The following APOBEC1 variants were observed in gnomAD, a reference collection of about 807,000 sequenced individuals.
APOBEC1 encodes apolipoprotein B mRNA editing enzyme catalytic subunit 1.
Under a neutral mutation model 26.3 loss-of-function variants are expected in APOBEC1, and 22 were observed. That is an observed-to-expected ratio of 0.84 (90% CI 0.60 to 1.19). The LOEUF (loss-of-function observed/expected upper bound fraction) is 1.19. Ranked by LOEUF, APOBEC1 falls within the 50% of genes most tolerant of loss-of-function variation. The pLI is 0.00. For missense variants in APOBEC1, 253 were observed against 289.0 expected, an observed-to-expected ratio of 0.88 and a Z score of 0.90; for synonymous variants, 77 against 95.3, an observed-to-expected ratio of 0.81 and a Z score of 1.12.
upstream of APOBEC1, among the ~76,000 whole-genome samples, chr12:7,666,760 T>G (rs1216345571): frequency 1.3e-5 from 2 of 152,182 alleles, no homozygotes; most frequent in Non-Finnish European, 2.9e-5. Context: ...TTTTGCTCTC[T>G]GTCCTACATC....
chr12:7,660,412 G>GAAAGAA (rs201225005), intron 1 of APOBEC1, among the ~76,000 whole-genome samples: 17 of 122,084 alleles, frequency 1.4e-4, no homozygotes, highest in South Asian at 3.1e-4. Context: ...AAGAAAGAAA[G>GAAAGAA]AGAGGGTATT....
intron 1 of APOBEC1, 77 bp downstream of exon 1, chr12:7,665,780 C>T (rs1565444068): frequency 3.3e-6 from 4 of 1,212,452 alleles, no homozygotes; most frequent in Non-Finnish European, 4.9e-6. Context: ...CACACACACA[C>T]ACACACACAC....
At position 7,652,925 on chromosome 12, in the gene APOBEC1, AT is replaced by A. The variant is rs1343433111; in HGVS notation, c.45-91del. On this transcript the variant is annotated intron_variant, in intron 2 of 4. Transcript: ENST00000229304. ...TGCTCCCCTCTTCTTTTTTTATTTT[AT>A]TTTATTTTATTTTATTTTTTTAAGA... 26 of 1,035,144 alleles carry A rather than the reference AT, an allele frequency of 2.5e-5. No homozygotes were observed. The South Asian group carries it at 6.4e-4, about 25-fold the overall frequency. The allele number at this position is 1,035,144 out of a possible 1,614,324, so 64.1% of individuals were successfully genotyped here.
At chr12:7,662,594 A>G (rs11055090) in intron 1 of APOBEC1, among the ~76,000 whole-genome samples, 71,950 of 152,064 alleles carry the variant, frequency 0.47, 17,196 homozygotes, top group South Asian at 0.57. Flanking sequence ...CTCAAAAAAA[A>G]AGGAAGAAGA....
chr12:7,659,337 A>ATATATG (rs1863769955), intron 1 of APOBEC1, among the ~76,000 whole-genome samples: 1 of 109,832 alleles, frequency 9.1e-6, no homozygotes, highest in Non-Finnish European at 1.9e-5. Flanking sequence ...ATATATATAT[A>ATATATG]TATATATATA....
At chr12:7,668,878 T>C (rs55680745), upstream of APOBEC1, among the ~76,000 whole-genome samples, 19,273 of 152,108 alleles carry the variant, frequency 0.13, 1,293 homozygotes, top group Middle Eastern at 0.18. Flanking sequence ...ATTACAGAGA[T>C]GCACTACCAT....
At chr12:7,652,282 C>T (rs1863654286) in intron 3 of APOBEC1, among the ~76,000 whole-genome samples, 156 bp downstream of exon 3, 1 of 152,184 alleles carries the variant, frequency 6.6e-6, no homozygotes, top group Admixed American at 6.5e-5. Context: ...TGTAACTTTC[C>T]TTGTCATGAA....
intron 4 of APOBEC1, among the ~76,000 whole-genome samples, chr12:7,650,731 G>A (rs1201857649): frequency 6.6e-6 from 1 of 152,172 alleles, no homozygotes; most frequent in Non-Finnish European, 1.5e-5. Context: ...ACTGTACCCA[G>A]CTGTGTTTTA....
chr12:7,652,474 TA>T lies in APOBEC1; in HGVS notation c.405del (p.Asn136ThrfsTer4). On this transcript the variant is annotated frameshift_variant, in exon 3 of 5. Transcript: ENST00000229304. LOFTEE classifies it high-confidence loss of function. ...ATAATCTGAATAGTTACTCCACTGT[TA>T]ACAAGGTCCCTGAGACCTTGCCGAT... ...QQNRQGLRDL[V>X]NSGVTIQIMR... The T allele has an allele frequency of 6.2e-7, 1 of 1,613,942 alleles. No individual in the cohort carries two copies. Among genetic ancestry groups the T allele is most frequent in the South Asian group, 1.1e-5 (1 of 91,022 alleles).
At chr12:7,651,207 A>C (rs1863633228) in intron 3 of APOBEC1, 66 bp from the exon 4 acceptor site, 3 of 1,136,466 alleles carry the variant, frequency 2.6e-6, no homozygotes, top group African/African-American at 3.0e-5. Context: ...AAGATCCCCA[A>C]CCTAGCTTCC....
At chr12:7,666,000 C>T, upstream of APOBEC1, 1 of 957,702 alleles carries the variant, frequency 1.0e-6, no homozygotes, top group Non-Finnish European at 1.7e-6. Context: ...GCATCTCAGG[C>T]AGTTATGGGA....
intron 1 of APOBEC1, among the ~76,000 whole-genome samples, chr12:7,659,947 C>T (rs916259913): frequency 4.0e-5 from 6 of 151,242 alleles, no homozygotes; most frequent in South Asian, 2.1e-4. Flanking sequence ...CCAGCCTGGG[C>T]GACAGAGCGA....
At chr12:7,661,102 A>G (rs1256025605) in intron 1 of APOBEC1, among the ~76,000 whole-genome samples, 1 of 147,472 alleles carries the variant, frequency 6.8e-6, no homozygotes, top group African/African-American at 2.5e-5. Context: ...GCTACTCGGG[A>G]GGCTGCAGCA....
At position 7,652,541 on chromosome 12, in the gene APOBEC1, C is replaced by A; in HGVS notation, c.339G>T (p.Val113=). ...GCCAAAAAAGCCGAGCTACGTAGAT[C>A]ACTAGAGTCACACCAGGGTGCCGAC... The part of the protein sequence containing the change: ...FLSRHPGVTL[V]IYVARLFWHM... Residue 113 remains valine, a synonymous_variant, in exon 3 of 5, where the codon GTG becomes GTT. Transcript: ENST00000229304. The A allele has an allele frequency of 6.2e-7, 1 of 1,614,224 alleles. No homozygotes were observed. The highest frequency in any genetic ancestry group is 8.5e-7 in the Non-Finnish European group (1 of 1,180,034).
At chr12:7,667,922 G>GGA, upstream of APOBEC1, among the ~76,000 whole-genome samples, 1 of 137,722 alleles carries the variant, frequency 7.3e-6, no homozygotes, top group Non-Finnish European at 1.5e-5. Context: ...AAAAAAAAAA[G>GGA]AAAAAAAAAA....
upstream of APOBEC1, among the ~76,000 whole-genome samples, chr12:7,670,081 T>A (rs1311681846): frequency 7.0e-6 from 1 of 142,620 alleles, no homozygotes; most frequent in African/African-American, 2.6e-5. Flanking sequence ...CCTCCCGGGT[T>A]CAGGTGATTC....
intron 4 of APOBEC1, among the ~76,000 whole-genome samples, chr12:7,650,817 A>G (rs1863626755): frequency 6.6e-6 from 1 of 152,220 alleles, no homozygotes; most frequent in Non-Finnish European, 1.5e-5. Flanking sequence ...TGCAACGCCT[A>G]GACTCAAGCT....
intron 4 of APOBEC1, 110 bp downstream of exon 4, chr12:7,650,913 A>G: frequency 1.3e-6 from 1 of 782,414 alleles, no homozygotes; most frequent in South Asian, 1.6e-5. Flanking sequence ...AAATAACTAA[A>G]TCTCAATATA....
chr12:7,652,534 C>T lies in APOBEC1; in HGVS notation c.346G>A (p.Val116Ile), dbSNP rs749139535. 2.1e-5 allele frequency: 34 copies of T among 1,614,070 alleles called. 1 individual carries two copies. Among genetic ancestry groups the T allele is most frequent in the South Asian group, 8.8e-5 (8 of 91,088 alleles). ...RHPGVTLVIY[V>I]ARLFWHMDQQ... ...TCCATGTGCCAAAAAAGCCGAGCTA[C>T]GTAGATCACTAGAGTCACACCAGGG... Residue 116 changes from valine (V) to isoleucine (I), a missense_variant, in exon 3 of 5, where the codon GTA becomes ATA. Val to Ile is a conservative substitution (Grantham distance 29). Transcript: ENST00000229304.
Sources: allele counts gnomAD v4.1 joint callset (sites outside exome capture counted in the v4.1 genomes callset), GRCh38; gene constraint gnomAD v4.1.1; transcripts MANE v1.5; gene names NCBI Gene and HGNC (gene_info 2026-07-23, HGNC 2026-07-21).